Variants in C2 observed in about 807,000 individuals in gnomAD.
The protein encoded by C2 is C3/C5 convertase.
Under a neutral mutation model 85.2 loss-of-function variants are expected in C2, and 64 were observed. That is an observed-to-expected ratio of 0.75 (90% CI 0.61 to 0.92). C2 has a LOEUF of 0.92. Among genes scored for constraint, C2 ranks in the 40% least tolerant of loss-of-function variants. The pLI is 0.00. For missense variants in C2, 820 were observed against 971.6 expected (o/e 0.84, Z 2.07); for synonymous variants, 311 against 370.8 (o/e 0.84, Z 1.85).
At position 31,922,404 on chromosome 6, in the gene C2, A is replaced by C. The variant is rs1302511129; in HGVS notation, c.-100+2378A>C. Among the ~76,000 whole-genome samples the C allele has an allele frequency of 1.3e-5, 2 of 152,194 alleles. No individual in the cohort carries two copies. The highest frequency in any genetic ancestry group is 2.4e-5 in the African/African-American group (1 of 41,446). On this transcript the variant is annotated intron_variant, in intron 1 of 3. Transcript: ENST00000413154. The surrounding 1 kb of genome is among the most constrained non-coding windows in gnomAD (Gnocchi z 4.8). ...CATGCCCAAGTGGCCAGACTGGATA[A>C]GGAGTAGACTGGCCACTAGAGTGGG...
intron 1 of C2, among the ~76,000 whole-genome samples, chr6:31,911,360 A>T (rs1582024314): frequency 6.6e-6 from 1 of 152,332 alleles, no homozygotes; most frequent in South Asian, 2.1e-4. Context: ...GGGAATGGTT[A>T]AAAAGTGAAA....
At chr6:31,934,144 C>T (rs767119887) in intron 5 of C2, 22 bp from the exon 6 acceptor site, 1 of 1,613,494 alleles carries the variant, frequency 6.2e-7, no homozygotes, top group African/African-American at 1.3e-5. Flanking sequence ...GATCTGAATC[C>T]TCCCCTTCCA....
upstream of C2, among the ~76,000 whole-genome samples, chr6:31,925,075 A>G (rs528634629): frequency 2.4e-4 from 36 of 152,280 alleles, no homozygotes; most frequent in South Asian, 6.0e-3. Flanking sequence ...CTGCTGTCCT[A>G]CTGTTAACTG....
intron 3 of C2, among the ~76,000 whole-genome samples, chr6:31,931,804 C>G (rs771882600): frequency 1.3e-5 from 2 of 152,098 alleles, no homozygotes; most frequent in Non-Finnish European, 2.9e-5. Context: ...GGGTGGTGGC[C>G]GGGCAGAGGG....
intron 1 of C2, chr6:31,901,952 C>A (rs1487772536): frequency 1.4e-5 from 2 of 146,286 alleles, no homozygotes; most frequent in Middle Eastern, 3.5e-3. Context: ...CGCGGGGATG[C>A]ACGGGACGCG....
At position 31,944,705 on chromosome 6, in the gene C2, T is replaced by C; in HGVS notation, c.1903-22T>C. The C allele has an allele frequency of 1.9e-6, 3 of 1,612,956 alleles. No individual in the cohort carries two copies. Among genetic ancestry groups the C allele is most frequent in the Non-Finnish European group, 2.5e-6 (3 of 1,180,010 alleles). On this transcript the variant is annotated intron_variant, in intron 15 of 17. Coordinates refer to ENST00000299367, the MANE Select transcript of C2 (RefSeq NM_000063.6). This position sits in a 1 kb window ranked among gnomAD's most constrained non-coding sequence, Gnocchi z 5.1. ...CGGGTCTGCTTATTCTACCCTTCTC[T>C]CTGGTTCCACCCCTGCTGCAGTGGA...
In C2 at chr6:31,943,020, G is replaced by A; in HGVS notation, c.1281G>A (p.Gly427=). The change falls in exon 10 of 18, where the codon GGG becomes GGA. Residue 427 remains glycine, a synonymous_variant. Coordinates refer to ENST00000299367, the MANE Select transcript of C2 (RefSeq NM_000063.6). The surrounding 1 kb of genome is among the most constrained non-coding windows in gnomAD (Gnocchi z 6.4). The stretch of plus-strand genomic sequence containing the variant: ...ACTGGAGAGAACTGAATGAGCTAGG[G>A]TCCAAGAAGGATGGTGAGAGGCATG... ...DVDWRELNEL[G]SKKDGERHAF... is the part of the protein sequence containing the mutation. The A allele has an allele frequency of 6.2e-7, 1 of 1,613,078 alleles. No individual in the cohort carries two copies. Among genetic ancestry groups the A allele is most frequent in the Non-Finnish European group, 8.5e-7 (1 of 1,180,044 alleles).
chr6:31,937,524 C>T, intron 8 of C2, 65 bp downstream of exon 8: 1 of 1,585,796 alleles, frequency 6.3e-7, no homozygotes, highest in African/African-American at 1.3e-5. Context: ...GGGTCAGAAG[C>T]CCTGAATTCT....
chr6:31,924,312 G>A (rs1769146692), upstream of C2, among the ~76,000 whole-genome samples: 1 of 152,184 alleles, frequency 6.6e-6, no homozygotes, highest in South Asian at 2.1e-4. Flanking sequence ...CAGCTTAAAT[G>A]GTCTGAGCAT....
chr6:31,901,737 C>T (rs1465528352), intron 1 of C2: 2 of 196,148 alleles, frequency 1.0e-5, no homozygotes, highest in Non-Finnish European at 2.1e-5. Flanking sequence ...CACGTCCTCC[C>T]CCCCGCCGCC....
intron 3 of C2, among the ~76,000 whole-genome samples, chr6:31,930,741 T>A (rs1769674925): frequency 6.6e-6 from 1 of 152,168 alleles, no homozygotes; most frequent in Non-Finnish European, 1.5e-5. Flanking sequence ...TGCCCTTGGG[T>A]TTTGGCAAAT....
rs1308955448 is a variant in C2 at position 31,904,574 on chromosome 6, A to G, written c.73+3435A>G. Among the ~76,000 whole-genome samples the G allele has an allele frequency of 6.6e-6, 1 of 152,028 alleles. No individual in the cohort carries two copies. Among genetic ancestry groups the G allele is most frequent in the Non-Finnish European group, 1.5e-5 (1 of 68,014 alleles). ...GGTGATCCACCTTGCTCAGCCTCCC[A>G]AAGTGTTGGGATTACAGGCGTGAGC... On this transcript the variant is annotated intron_variant, in intron 1 of 3. Coordinates refer to the C2 transcript ENST00000452202. This position sits in a 1 kb window ranked among gnomAD's most constrained non-coding sequence, Gnocchi z 4.4.
At chr6:31,934,380 C>A in intron 6 of C2, 81 bp downstream of exon 6, 1 of 1,576,906 alleles carries the variant, frequency 6.3e-7, no homozygotes, top group Non-Finnish European at 8.7e-7. Flanking sequence ...TCCTCAGAAC[C>A]CCACTCACAG....
rs949755738 is a variant in C2 at position 31,906,884 on chromosome 6, C to T, written c.73+5745C>T. 3.3e-5 allele frequency among the ~76,000 whole-genome samples: 5 copies of T among 151,886 alleles called. 1 individual carries two copies. The highest frequency in any genetic ancestry group is 2.0e-4 in the Admixed American group (3 of 15,234). The stretch of plus-strand genomic sequence containing the variant: ...GGGTGCAGTGGCTCACACCTGTAAT[C>T]GCAGCACTTTGGGAGGCTGAGGTGG... On this transcript the variant is annotated intron_variant, in intron 1 of 3. Coordinates refer to the C2 transcript ENST00000452202.
chr6:31,903,553 C>T (rs572129543), intron 1 of C2, among the ~76,000 whole-genome samples: 123 of 152,162 alleles, frequency 8.1e-4, no homozygotes, highest in Non-Finnish European at 1.8e-4. Context: ...TCGCTTGAAC[C>T]TGGGAGGTGA....
At chr6:31,933,107 A>G (rs1336760437) in intron 3 of C2, among the ~76,000 whole-genome samples, 2 of 152,144 alleles carry the variant, frequency 1.3e-5, no homozygotes, top group Non-Finnish European at 2.9e-5. Flanking sequence ...GAGACCGTGG[A>G]AAGAGAGGGA....
chr6:31,912,723 C>T (rs1768198115), intron 1 of C2, among the ~76,000 whole-genome samples: 1 of 151,766 alleles, frequency 6.6e-6, no homozygotes. Flanking sequence ...GCCTGTAATC[C>T]CAGCTACTCA....
Position 31,935,004 on chromosome 6 carries a change from G to T in C2, c.849+705G>T. 1.3e-6 allele frequency: 1 copy of T among 777,862 alleles called. No homozygotes were observed. Among genetic ancestry groups the T allele is most frequent in the Non-Finnish European group, 1.6e-6 (1 of 640,772 alleles). The allele number at this position is 777,862 out of a possible 1,614,324, so 48.2% of individuals were successfully genotyped here. ...GCCTGGGCAACTAGAGCAAAACTCT[G>T]TCTCAAAAAAATAAATAAAATAAAA... On this transcript the variant is annotated intron_variant, in intron 6 of 17. Transcript: ENST00000299367. This position sits in a 1 kb window ranked among gnomAD's most constrained non-coding sequence, Gnocchi z 4.3.
chr6:31,918,965 G>A (rs888352043), upstream of C2, among the ~76,000 whole-genome samples: 13 of 151,266 alleles, frequency 8.6e-5, no homozygotes, highest in African/African-American at 2.7e-4. Flanking sequence ...TCTATGAACC[G>A]AGACCGTCTA....
Sources: gnomAD v4.1 joint callset for allele counts (sites outside exome capture counted in the v4.1 genomes callset) on GRCh38, gnomAD v4.1.1 for gene constraint, Gnocchi (gnomAD v3.1) non-coding constraint, MANE v1.5 for transcripts, NCBI Gene and HGNC (gene_info 2026-07-23, HGNC 2026-07-21) for gene names.